Variants in UBAC2 observed in about 807,000 individuals in gnomAD.
The protein encoded by UBAC2 is UBA domain containing 2, also known as ubiquitin-associated domain-containing protein 2.
UBAC2 carries 26 observed loss-of-function variants against 44.0 expected under a neutral mutation model. That is an observed-to-expected ratio of 0.59 (90% confidence interval 0.43 to 0.82). The LOEUF is 0.82. Ranked by LOEUF, UBAC2 falls within the 40% of genes least tolerant of loss-of-function variation. The pLI is 0.00. For synonymous variants in UBAC2, 155 were observed against 154.3 expected (o/e 1.00, Z -0.04); for missense variants, 329 against 419.4 (o/e 0.78, Z 1.88).
intron 4 of UBAC2, among the ~76,000 whole-genome samples, chr13:99,293,885 A>G (rs1175135173): frequency 6.6e-6 from 1 of 152,196 alleles, no homozygotes; most frequent in Non-Finnish European, 1.5e-5. Flanking sequence ...TTTTTAAAGT[A>G]CAACTCAGAA....
chr13:99,256,864 G>C (rs1005077383), intron 4 of UBAC2, among the ~76,000 whole-genome samples: 1 of 152,170 alleles, frequency 6.6e-6, no homozygotes, highest in African/African-American at 2.4e-5. Flanking sequence ...GGAATCTGTG[G>C]CATCCCCTTG....
intron 1 of UBAC2, among the ~76,000 whole-genome samples, chr13:99,236,024 C>T (rs2043228612): frequency 6.6e-6 from 1 of 152,062 alleles, no homozygotes; most frequent in Non-Finnish European, 1.5e-5. Flanking sequence ...ATGAAAGACC[C>T]ATATTTCTTA....
intron 4 of UBAC2, among the ~76,000 whole-genome samples, chr13:99,278,743 T>C (rs1173588261): frequency 6.6e-6 from 1 of 152,194 alleles, no homozygotes; most frequent in African/African-American, 2.4e-5. Flanking sequence ...ATTTAAAAAA[T>C]AAACTTTGTT....
intron 1 of UBAC2, chr13:99,201,375 C>T (rs888079272): frequency 1.3e-6 from 2 of 1,588,586 alleles, no homozygotes; most frequent in South Asian, 1.1e-5. Context: ...CAAAGTTCAG[C>T]CTCCGCTTTA....
chr13:99,227,404 G>A (rs1182554769), intron 1 of UBAC2, among the ~76,000 whole-genome samples: 4 of 152,140 alleles, frequency 2.6e-5, no homozygotes, highest in Admixed American at 6.5e-5. Flanking sequence ...CATCTTGCAC[G>A]TTGGCAGGTG....
intron 7 of UBAC2, among the ~76,000 whole-genome samples, chr13:99,366,517 TAAC>T (rs1449120100): frequency 6.6e-6 from 1 of 152,226 alleles, no homozygotes; most frequent in African/African-American, 2.4e-5. Flanking sequence ...ACCATGAATA[TAAC>T]AACATATGTA....
chr13:99,358,825 A>T (rs1351835351), intron 7 of UBAC2, among the ~76,000 whole-genome samples: 2 of 152,198 alleles, frequency 1.3e-5, no homozygotes, highest in Non-Finnish European at 2.9e-5. Flanking sequence ...ACACAGCAAG[A>T]GATATGGGGT....
chr13:99,330,793 C>G (rs925429282), intron 6 of UBAC2, among the ~76,000 whole-genome samples: 1 of 152,136 alleles, frequency 6.6e-6, no homozygotes, highest in Non-Finnish European at 1.5e-5. Flanking sequence ...ATCCACAAAT[C>G]TTTTAGAGCT....
At chr13:99,236,174 CACAG>C (rs2043230488) in intron 1 of UBAC2, among the ~76,000 whole-genome samples, 1 of 152,114 alleles carries the variant, frequency 6.6e-6, no homozygotes, top group East Asian at 1.9e-4. Flanking sequence ...ATCTCAAAAG[CACAG>C]ACAGCCAAAG....
At position 99,231,283 on chromosome 13, in the gene UBAC2, C is replaced by T. The variant is rs574327174; in HGVS notation, c.32-7144C>T. ...GTTCACCTTCACTGAGTTTCTCTAG[C>T]TGCCCACCTTGAATGGTGGCAGTGT... On this transcript the variant is annotated intron_variant, in intron 1 of 8. Coordinates refer to ENST00000403766, the MANE Select transcript of UBAC2 (RefSeq NM_001144072.2). Among the ~76,000 whole-genome samples the T allele has an allele frequency of 1.9e-3, 285 of 152,284 alleles. 1 individual carries two copies. Among genetic ancestry groups the T allele is most frequent in the African/African-American group, 6.7e-3 (279 of 41,536 alleles).
intron 4 of UBAC2, among the ~76,000 whole-genome samples, chr13:99,257,188 CAT>C (rs1036594837): frequency 1.3e-5 from 2 of 151,820 alleles, no homozygotes; most frequent in Non-Finnish European, 2.9e-5. Context: ...TATTTAAAAA[CAT>C]ATTAAATTTT....
intron 4 of UBAC2, among the ~76,000 whole-genome samples, chr13:99,252,319 G>C (rs966375654): frequency 6.6e-6 from 1 of 152,244 alleles, no homozygotes; most frequent in African/African-American, 2.4e-5. Context: ...CCCACTGGCT[G>C]TTTGAGGGGG....
chr13:99,338,030 ACTTTTTTT>A (rs547914288), intron 6 of UBAC2, among the ~76,000 whole-genome samples: 13,465 of 84,432 alleles, frequency 0.16, 1,604 homozygotes, highest in Non-Finnish European at 0.2. Flanking sequence ...AAATCTCCTA[ACTTTTTTT>A]CTTTTTTTCT....
At chr13:99,270,054 T>C (rs1310542793) in intron 4 of UBAC2, among the ~76,000 whole-genome samples, 1 of 152,198 alleles carries the variant, frequency 6.6e-6, no homozygotes, top group Non-Finnish European at 1.5e-5. Context: ...AACAACACAA[T>C]AAAGTATTTT....
chr13:99,208,078 G>T (rs1017176379), intron 1 of UBAC2, among the ~76,000 whole-genome samples: 1 of 146,964 alleles, frequency 6.8e-6, no homozygotes, highest in Admixed American at 6.9e-5. Context: ...GCTCACTGCA[G>T]CCTCTGCCTC....
At chr13:99,378,993 T>G (rs2045517259) in intron 8 of UBAC2, among the ~76,000 whole-genome samples, 1 of 152,118 alleles carries the variant, frequency 6.6e-6, no homozygotes, top group Non-Finnish European at 1.5e-5. Context: ...GTTGTCAAGG[T>G]ATAACAAAAT....
intron 4 of UBAC2, among the ~76,000 whole-genome samples, chr13:99,250,457 C>CTGTA (rs1458679747): frequency 6.6e-6 from 1 of 152,174 alleles, no homozygotes; most frequent in Non-Finnish European, 1.5e-5. Context: ...GTTTTGCTTA[C>CTGTA]TGTAGCCTTA....
chr13:99,315,774 C>T (rs1352885222), intron 5 of UBAC2, among the ~76,000 whole-genome samples: 2 of 151,892 alleles, frequency 1.3e-5, no homozygotes, highest in Non-Finnish European at 2.9e-5. Flanking sequence ...ATAGCTACCA[C>T]TATTCATTTT....
At chr13:99,256,605 A>G (rs2043562780) in intron 4 of UBAC2, 1 of 151,762 alleles carries the variant, frequency 6.6e-6, no homozygotes, top group Non-Finnish European at 1.5e-5. Flanking sequence ...AATTTTAACA[A>G]TTTTCAAAGT....
Sources: allele counts gnomAD v4.1 joint callset (sites outside exome capture counted in the v4.1 genomes callset), GRCh38; gene constraint gnomAD v4.1.1; transcripts MANE v1.5; gene names NCBI Gene and HGNC (gene_info 2026-07-23, HGNC 2026-07-21).